FLG: variants seen among roughly 807,000 people sequenced by gnomAD.
FLG encodes filaggrin.
In FLG, 6 loss-of-function variants were observed where a neutral mutation model predicts 3.8. That is an observed-to-expected ratio of 1.60 (90% CI 0.87 to 3.15). FLG has a LOEUF of 3.15. FLG is among the 30% of genes most tolerant of loss of function. The pLI, the probability that FLG is intolerant of heterozygous loss-of-function variation, is 0.00. For missense variants in FLG, 7,595 were observed against 5,050.9 expected (o/e 1.50, Z -15.27); for synonymous variants, 2,551 against 1,931.6 (o/e 1.32, Z -8.41).
In FLG at chr1:152,312,063, G is replaced by T; in HGVS notation, c.2823C>A (p.Arg941=). 1.2e-6 allele frequency: 2 copies of T among 1,614,100 alleles called. No individual in the cohort carries two copies. Among genetic ancestry groups the T allele is most frequent in the Non-Finnish European group, 1.7e-6 (2 of 1,180,014 alleles). The change falls in exon 3 of 3, where the codon CGC becomes CGA. Residue 941 remains arginine (R), a synonymous_variant. Coordinates refer to ENST00000368799, the MANE Select transcript of FLG (RefSeq NM_002016.2). ...TGTCCTGGCTAACACTGGATCCCTG[G>T]CGCCTGCTTGTCCTGGACCCCTCTG... ...GQSEGSRTSR[R]QGSSVSQDSD... is the part of the protein sequence containing the mutation.
At position 152,312,190 on chromosome 1, in the gene FLG, T is replaced by C; in HGVS notation, c.2696A>G (p.Glu899Gly). 6.2e-7 allele frequency: 1 copy of C among 1,613,968 alleles called. No homozygotes were observed. Among genetic ancestry groups the C allele is most frequent in the Non-Finnish European group, 8.5e-7 (1 of 1,179,992 alleles). ...CCTGGAGCCGTCTCTTGATTGTTCCTCATTACGTGTTGTTCTGCTTGCACT... is the reference window on the plus strand; with the variant it reads ...CCTGGAGCCGTCTCTTGATTGTTCCCCATTACGTGTTGTTCTGCTTGCACT... ...SRSASRTTRN[E>G]EQSRDGSRHS... The change falls in exon 3 of 3, where the codon GAG becomes GGG. Residue 899 changes from glutamate (E) to glycine (G), a missense_variant. Physicochemically the swap from Glu to Gly is moderately conservative, Grantham distance 98. Coordinates refer to ENST00000368799, the MANE Select transcript of FLG (RefSeq NM_002016.2).
chr1:152,313,423 C>A lies in FLG; in HGVS notation c.1463G>T (p.Ser488Ile). The change falls in exon 3 of 3, where the codon AGC (serine) becomes ATC (isoleucine). Residue 488 changes from serine to isoleucine, a missense_variant. Transcript: ENST00000368799. Reference protein sequence around the residue: ...PDSAHGRTGTSTGGRQGSHHE... With the variant: ...PDSAHGRTGTITGGRQGSHHE... ...GTGCGATCCTTGTCTTCCTCCAGTG[C>A]TGGTCCCGGTCCGTCCATGGGCAGA... 2 of 1,613,920 alleles carry A rather than the reference C, an allele frequency of 1.2e-6. No homozygotes were observed. Among genetic ancestry groups the A allele is most frequent in the Non-Finnish European group, 1.7e-6 (2 of 1,179,980 alleles).
rs1652604507 is a variant in FLG at position 152,313,458 on chromosome 1, T to C, written c.1428A>G (p.Glu476=). 6.2e-7 allele frequency: 1 copy of C among 1,613,846 alleles called. No homozygotes were observed. The highest frequency in any genetic ancestry group is 2.2e-5 in the East Asian group (1 of 44,812). Residue 476 remains glutamate, a synonymous_variant, in exon 3 of 3, where the codon GAA becomes GAG. Coordinates refer to ENST00000368799, the MANE Select transcript of FLG (RefSeq NM_002016.2). ...TCCGTCCATGGGCAGAGTCAGGCTG[T>C]TCATGAGTGCTCACCTGGTAGAGGG... ...GSSLYQVSTH[E]QPDSAHGRTG...
rs1651797012 is a variant in FLG, at chr1:152,304,392, G to A, written c.10494C>T (p.Gly3498=). Residue 3498 remains glycine (G), a synonymous_variant, in exon 3 of 3, where the codon GGC becomes GGT. Coordinates refer to ENST00000368799, the MANE Select transcript of FLG (RefSeq NM_002016.2). The part of the protein sequence containing the change: ...QTRNDEQSGD[G]SRHSWSHHHE... ...GGTGATGCGACCATGAGTGCCTGGAGCCATCTCCTGATTGTTCGTCATTAC... is the reference window on the plus strand; with the variant it reads ...GGTGATGCGACCATGAGTGCCTGGAACCATCTCCTGATTGTTCGTCATTAC... The A allele has an allele frequency of 1.2e-6, 2 of 1,611,726 alleles. No homozygotes were observed. Among genetic ancestry groups the A allele is most frequent in the Admixed American group, 1.7e-5 (1 of 59,808 alleles).
In FLG at chr1:152,304,723, T is replaced by C. The variant is rs777295936; in HGVS notation, c.10163A>G (p.Tyr3388Cys). ...GRSGRSGSFL[Y>C]QVSTHEQSES... ...AGACTGTTCATGAGTGCTCACCTGG[T>C]AGAGGAAAGACCCTGAACGTCCAGA... Residue 3388 changes from tyrosine (Y) to cysteine (C), a missense_variant, in exon 3 of 3, where the codon TAC (tyrosine) becomes TGC (cysteine). Tyr to Cys is a radical substitution (Grantham distance 194). Coordinates refer to ENST00000368799, the MANE Select transcript of FLG (RefSeq NM_002016.2). 3.1e-6 allele frequency: 5 copies of C among 1,613,262 alleles called. No homozygotes were observed. The highest frequency in any genetic ancestry group is 4.2e-6 in the Non-Finnish European group (5 of 1,179,852).
At chr1:152,319,483 G>A (rs965345676) in intron 1 of FLG, among the ~76,000 whole-genome samples, 2 of 151,180 alleles carry the variant, frequency 1.3e-5, no homozygotes, top group Non-Finnish European at 3.0e-5. Context: ...GGTTCAAAAC[G>A]ATATTATAAA....
rs370219834 is a variant in FLG at position 152,310,383 on chromosome 1, C to A, written c.4503G>T (p.Gln1501His). 6 of 1,613,780 alleles carry A rather than the reference C, an allele frequency of 3.7e-6. No individual in the cohort carries two copies. Among genetic ancestry groups the A allele is most frequent in the Non-Finnish European group, 5.1e-6 (6 of 1,179,986 alleles). The change falls in exon 3 of 3, where the codon CAG becomes CAT. Residue 1501 changes from glutamine to histidine, a missense_variant. Gln to His is a conservative substitution (Grantham distance 24, BLOSUM62 0). Transcript: ENST00000368799. ...GHPGSSRGGRQGSYHEQSVDR... is the reference protein window; with the variant it reads ...GHPGSSRGGRHGSYHEQSVDR... Reference sequence around the variant, plus strand: ...CTACTGATTGCTCGTGGTAGGATCCCTGCCTTCCTCCTCTGCTTGACCCCG... The same window carrying A: ...CTACTGATTGCTCGTGGTAGGATCCATGCCTTCCTCCTCTGCTTGACCCCG...
In FLG at chr1:152,310,289, C is replaced by T. The variant is rs200422428; in HGVS notation, c.4597G>A (p.Gly1533Arg). ...CTTGCACTTCTGGGTCCTGACTGCC[C>T]ATGGGAGGCATCAGACCTTCCCTGG... ...TPQGRSDASH[G>R]QSGPRSASRQ... The change falls in exon 3 of 3, where the codon GGG (glycine) becomes AGG (arginine). Residue 1533 changes from glycine to arginine, a missense_variant. Coordinates refer to ENST00000368799, the MANE Select transcript of FLG (RefSeq NM_002016.2). 9.3e-6 allele frequency: 15 copies of T among 1,613,892 alleles called. No individual in the cohort carries two copies. The East Asian group carries it at 2.7e-4, about 29-fold the overall frequency.
intron 1 of FLG, among the ~76,000 whole-genome samples, chr1:152,319,293 G>GA (rs1365100014): frequency 6.9e-6 from 1 of 145,958 alleles, no homozygotes; most frequent in Non-Finnish European, 1.5e-5. Flanking sequence ...GACTAACTCT[G>GA]AATACAACTA....
rs999550094 is a variant in FLG at position 152,311,539 on chromosome 1, G to T, written c.3347C>A (p.Ser1116Tyr). Residue 1116 changes from serine to tyrosine, a missense_variant, in exon 3 of 3, where the codon TCT becomes TAT. Transcript: ENST00000368799. Reference protein sequence around the residue: ...WSGGRSGRSGSFIYQVSTHEQ... With the variant: ...WSGGRSGRSGYFIYQVSTHEQ... The stretch of plus-strand genomic sequence containing the variant: ...ATGAGTGCTCACCTGGTAGATGAAA[G>T]ACCCTGAACGTCCAGACCTTCCCCC... The T allele has an allele frequency of 5.6e-6, 9 of 1,613,806 alleles. No homozygotes were observed. The highest frequency in any genetic ancestry group is 4.0e-5 in the African/African-American group (3 of 74,866).
chr1:152,316,215 G>A (rs1427585827), intron 1 of FLG, among the ~76,000 whole-genome samples: 1 of 152,116 alleles, frequency 6.6e-6, no homozygotes, highest in Non-Finnish European at 1.5e-5. Context: ...ACAATGTGAA[G>A]GAGATTACTG....
At position 152,302,910 on chromosome 1, in the gene FLG, T is replaced by A. The variant is rs773539318; in HGVS notation, c.11976A>T (p.Arg3992Ser). ...ADYDYGESGF[R>S]HSQHGSVSYN... Reference sequence around the variant, plus strand: ...AACTAACACTTCCGTGCTGAGAGTGTCTAAACCCGGATTCACCATAATCAT... The same window carrying A: ...AACTAACACTTCCGTGCTGAGAGTGACTAAACCCGGATTCACCATAATCAT... The change falls in exon 3 of 3, where the codon AGA (arginine) becomes AGT (serine). Residue 3992 changes from arginine to serine, a missense_variant. Physicochemically the swap from Arg to Ser is moderately radical, Grantham distance 110. Transcript: ENST00000368799. 16 of 1,614,148 alleles carry A rather than the reference T, an allele frequency of 9.9e-6. No individual in the cohort carries two copies. Among genetic ancestry groups the A allele is most frequent in the Non-Finnish European group, 1.3e-5 (15 of 1,180,028 alleles).
At position 152,304,164 on chromosome 1, in the gene FLG, G is replaced by T; in HGVS notation, c.10722C>A (p.Gly3574=). The T allele has an allele frequency of 6.2e-7, 1 of 1,606,572 alleles. No homozygotes were observed. The highest frequency in any genetic ancestry group is 8.5e-7 in the Non-Finnish European group (1 of 1,178,816). The stretch of plus-strand genomic sequence containing the variant: ...CGTGATGGGACGTGGGGTGTCTGGA[G>T]CCATCTCTTGACTGCTCCTGAGCAG... ...RGSAQEQSRD[G]SRHPTSHHED... is the part of the protein sequence containing the mutation. Residue 3574 remains glycine (G), a synonymous_variant, in exon 3 of 3, where the codon GGC becomes GGA. Transcript: ENST00000368799.
rs1652170270 is a variant in FLG, at chr1:152,308,803, G to T, written c.6083C>A (p.Ser2028Ter). The T allele has an allele frequency of 1.9e-6, 3 of 1,614,188 alleles. No individual in the cohort carries two copies. In the East Asian group the frequency reaches 6.7e-5, roughly 36 times the overall value. Reference sequence around the variant, plus strand: ...GTGTCCACTGTCTCTGACTGCAGATGAAGCTTGTCCATGCCCAATGCCTGA... The same window carrying T: ...GTGTCCACTGTCTCTGACTGCAGATTAAGCTTGTCCATGCCCAATGCCTGA... ...RHSGIGHGQA[S>*]SAVRDSGHRG... Residue 2028 changes from serine (S) to a stop codon, truncating the protein, a stop_gained, in exon 3 of 3, where the codon TCA becomes TAA. Coordinates refer to ENST00000368799, the MANE Select transcript of FLG (RefSeq NM_002016.2). LOFTEE classifies it low-confidence loss of function (END_TRUNC).
Position 152,314,729 on chromosome 1 carries a change from T to C in FLG, c.157A>G (p.Met53Val). ...QILKNPDDPDMVDVFMDHLDI... is the reference protein window; with the variant it reads ...QILKNPDDPDVVDVFMDHLDI... ...AAGTGATCCATGAAGACATCAACCA[T>C]ATCTGGGTCATCTGGATTCTGTACA... Residue 53 changes from methionine (M) to valine (V), a missense_variant, in exon 3 of 3, where the codon ATG becomes GTG. By Grantham distance (21) the Met-to-Val change is conservative. Transcript: ENST00000368799. 1 of 1,613,906 alleles carries C rather than the reference T, an allele frequency of 6.2e-7. No individual in the cohort carries two copies. Among genetic ancestry groups the C allele is most frequent in the Non-Finnish European group, 8.5e-7 (1 of 1,179,796 alleles).
rs370826746 is a variant in FLG, at chr1:152,313,612, C to T, written c.1274G>A (p.Ser425Asn). Reference protein sequence around the residue: ...RGSSGSQASDSEGHSENSDTQ... With the variant: ...RGSSGSQASDNEGHSENSDTQ... ...GTCTGAGTTTTCTGAATGTCCCTCA[C>T]TGTCACTGGCCTGACTACCGCTAGA... Residue 425 changes from serine to asparagine, a missense_variant, in exon 3 of 3, where the codon AGT (serine) becomes AAT (asparagine). Transcript: ENST00000368799. 3 of 1,613,990 alleles carry T rather than the reference C, an allele frequency of 1.9e-6. No homozygotes were observed. Among genetic ancestry groups the T allele is most frequent in the East Asian group, 4.5e-5 (2 of 44,868 alleles).
Position 152,309,544 on chromosome 1 carries a change from C to T in FLG, c.5342G>A (p.Arg1781His), listed in dbSNP as rs144863102. 7.7e-5 allele frequency: 125 copies of T among 1,613,594 alleles called. No homozygotes were observed. The highest frequency in any genetic ancestry group is 1.6e-4 in the Middle Eastern group (1 of 6,084). ...THEQSESAHG[R>H]TGPSTGGRQR... is the part of the protein sequence containing the mutation. ...TCTTCCTCCAGTGCTGGGCCCTGTG[C>T]GTCCATGGGCGGACTCAGACTGTTC... Residue 1781 changes from arginine (R) to histidine (H), a missense_variant, in exon 3 of 3, where the codon CGC becomes CAC. Arg to His is a conservative substitution (Grantham distance 29). Transcript: ENST00000368799.
Position 152,307,705 on chromosome 1 carries a change from T to A in FLG, c.7181A>T (p.Gln2394Leu), listed in dbSNP as rs781024573. Residue 2394 changes from glutamine to leucine, a missense_variant, in exon 3 of 3, where the codon CAG (glutamine) becomes CTG (leucine). Transcript: ENST00000368799. Reference sequence around the variant, plus strand: ...GCCACGTGTGGACTCTTGGTGGCTCTGCTGATGGGGCCCAGCCTGTCCGTG... The same window carrying A: ...GCCACGTGTGGACTCTTGGTGGCTCAGCTGATGGGGCCCAGCCTGTCCGTG... ...SAHGQAGPHQ[Q>L]SHQESTRGRS... 1 of 1,613,224 alleles carries A rather than the reference T, an allele frequency of 6.2e-7. No individual in the cohort carries two copies. The highest frequency in any genetic ancestry group is 1.1e-5 in the South Asian group (1 of 91,016).
rs766543794 is a variant in FLG at position 152,309,496 on chromosome 1, G to C, written c.5390C>G (p.Ala1797Gly). 1 of 1,613,888 alleles carries C rather than the reference G, an allele frequency of 6.2e-7. No homozygotes were observed. The highest frequency in any genetic ancestry group is 8.5e-7 in the Non-Finnish European group (1 of 1,179,964). The change falls in exon 3 of 3, where the codon GCA (alanine) becomes GGA (glycine). Residue 1797 changes from alanine (A) to glycine (G), a missense_variant. Ala to Gly is a moderately conservative substitution (Grantham distance 60). Coordinates refer to ENST00000368799, the MANE Select transcript of FLG (RefSeq NM_002016.2). Reference protein sequence around the residue: ...GGRQRSRHEQARDSSRHSASQ... With the variant: ...GGRQRSRHEQGRDSSRHSASQ... ...CGCTGAGTGCCTGGAGCTGTCTCGTGCCTGCTCGTGGCGGGATCTTTGTCT... is the reference window on the plus strand; with the variant it reads ...CGCTGAGTGCCTGGAGCTGTCTCGTCCCTGCTCGTGGCGGGATCTTTGTCT...
Sources: gnomAD v4.1 joint callset for allele counts (sites outside exome capture counted in the v4.1 genomes callset) on GRCh38, gnomAD v4.1.1 for gene constraint, MANE v1.5 for transcripts, NCBI Gene and HGNC (gene_info 2026-07-23, HGNC 2026-07-21) for gene names.